CSMD1: variants seen among roughly 807,000 people sequenced by gnomAD.
The protein encoded by CSMD1 is CUB and sushi domain-containing protein 1.
Under a neutral mutation model 417.5 loss-of-function variants are expected in CSMD1, and 213 were observed. The observed-to-expected ratio is 0.51, with a 90% CI of 0.46 to 0.57. The LOEUF (loss-of-function observed/expected upper bound fraction) is 0.57. CSMD1 is among the 20% of genes least tolerant of loss of function. CSMD1 has a pLI of 0.00. For missense variants in CSMD1, 6,923 were observed against 4,529.7 expected (o/e 1.53, Z -15.17); for synonymous variants, 2,862 against 1,736.8 (o/e 1.65, Z -16.11).
At chr8:4,351,728 G>A (rs915671143) in intron 3 of CSMD1, among the ~76,000 whole-genome samples, 2 of 152,110 alleles carry the variant, frequency 1.3e-5, no homozygotes, top group Non-Finnish European at 1.5e-5. Flanking sequence ...AAAAGAAAAA[G>A]GCCTTCTAGG....
At chr8:3,227,979 G>A (rs989917189) in intron 27 of CSMD1, among the ~76,000 whole-genome samples, 2 of 152,100 alleles carry the variant, frequency 1.3e-5, no homozygotes, top group Non-Finnish European at 2.9e-5. Flanking sequence ...TGTTGCCCAG[G>A]CTGGTCTCAA....
At chr8:2,951,968 T>C (rs1449188004) in intron 65 of CSMD1, among the ~76,000 whole-genome samples, 4 of 152,198 alleles carry the variant, frequency 2.6e-5, no homozygotes, top group African/African-American at 9.7e-5. Flanking sequence ...GCAGTCTTTT[T>C]AAAGCACAGA....
At chr8:4,487,413 G>C (rs187585241) in intron 2 of CSMD1, among the ~76,000 whole-genome samples, 1 of 152,206 alleles carries the variant, frequency 6.6e-6, no homozygotes. Flanking sequence ...AGAACATGCA[G>C]TGTTTGGTTT....
chr8:4,778,251 T>C (rs1043611645), intron 1 of CSMD1, among the ~76,000 whole-genome samples: 1 of 152,152 alleles, frequency 6.6e-6, no homozygotes, highest in Non-Finnish European at 1.5e-5. Flanking sequence ...ATATCAGACA[T>C]CAGCAAACTG....
chr8:4,200,192 C>G (rs1043413431), intron 3 of CSMD1, among the ~76,000 whole-genome samples: 49 of 152,182 alleles, frequency 3.2e-4, no homozygotes, highest in African/African-American at 1.2e-3. Flanking sequence ...GGACAAAATC[C>G]AGTTAAATGT....
chr8:3,665,505 G>A (rs1323243515), intron 7 of CSMD1, among the ~76,000 whole-genome samples: 1 of 152,044 alleles, frequency 6.6e-6, no homozygotes. Flanking sequence ...CTCCAGCCTG[G>A]GCGACAGAGC....
chr8:3,188,911 T>C lies in CSMD1; in HGVS notation c.5499A>G (p.Ile1833Met), dbSNP rs373358592. The C allele has an allele frequency of 1.3e-5, 20 of 1,595,726 alleles. No homozygotes were observed. The highest frequency in any genetic ancestry group is 1.6e-5 in the Non-Finnish European group (19 of 1,170,764). Residue 1833 changes from isoleucine to methionine, a missense_variant, in exon 35 of 70, where the codon ATA (isoleucine) becomes ATG (methionine). Coordinates refer to ENST00000635120, the MANE Select transcript of CSMD1 (RefSeq NM_033225.6). ...CCTGAATTCCCGAGCCCTCCGTAAC[T>C]ATGATCTTCCATATACAGTTCAAGT... ...GNNLNCIWKI[I>M]VTEGSGIQIQ...
chr8:3,904,805 T>C (rs1036047909), intron 5 of CSMD1, among the ~76,000 whole-genome samples: 3 of 151,850 alleles, frequency 2.0e-5, no homozygotes, highest in Admixed American at 6.6e-5. Flanking sequence ...CCCAGGTAAT[T>C]TTTGTATTTT....
At chr8:3,190,370 C>T (rs568763057) in intron 33 of CSMD1, among the ~76,000 whole-genome samples, 3 of 152,194 alleles carry the variant, frequency 2.0e-5, no homozygotes, top group East Asian at 3.9e-4. Context: ...CTGTACTTCG[C>T]CCTCAGGACC....
At chr8:3,902,189 C>G (rs1807801102) in intron 5 of CSMD1, among the ~76,000 whole-genome samples, 1 of 152,152 alleles carries the variant, frequency 6.6e-6, no homozygotes, top group Admixed American at 6.5e-5. Context: ...TGGAGAATCT[C>G]ACTTCTGATA....
intron 10 of CSMD1, among the ~76,000 whole-genome samples, chr8:3,519,454 G>C (rs530358093): frequency 2.0e-5 from 3 of 152,298 alleles, no homozygotes; most frequent in African/African-American, 7.2e-5. Context: ...TTGATCATCT[G>C]AGAGGAAACA....
At chr8:4,740,434 A>G (rs778801568) in intron 1 of CSMD1, among the ~76,000 whole-genome samples, 2 of 152,192 alleles carry the variant, frequency 1.3e-5, no homozygotes, top group African/African-American at 2.4e-5. Flanking sequence ...TGTTTCTGCA[A>G]CACTGAATGC....
In CSMD1 at chr8:4,054,893, C is replaced by A. The variant is rs1405965275; in HGVS notation, c.416-22794G>T. Reference sequence around the variant, plus strand: ...GTTCTGTGACATACAAAGGCTACGTCTGCCTGTGCCCTGAGCTCTGGGGTT... The same window carrying A: ...GTTCTGTGACATACAAAGGCTACGTATGCCTGTGCCCTGAGCTCTGGGGTT... On this transcript the variant is annotated intron_variant, in intron 3 of 69. Coordinates refer to ENST00000635120, the MANE Select transcript of CSMD1 (RefSeq NM_033225.6). 3.3e-5 allele frequency among the ~76,000 whole-genome samples: 5 copies of A among 152,124 alleles called. No individual in the cohort carries two copies. The South Asian group carries it at 1.0e-3, about 31-fold the overall frequency.
intron 5 of CSMD1, among the ~76,000 whole-genome samples, chr8:3,882,385 C>G (rs1053985420): frequency 6.6e-6 from 1 of 152,132 alleles, no homozygotes; most frequent in Non-Finnish European, 1.5e-5. Flanking sequence ...GGTTAAAATA[C>G]AATTTTAAAA....
intron 3 of CSMD1, among the ~76,000 whole-genome samples, chr8:4,158,883 T>C (rs565800928): frequency 6.6e-6 from 1 of 152,320 alleles, no homozygotes; most frequent in Non-Finnish European, 1.5e-5. Context: ...AGTTTACTAC[T>C]GTTTCCAGCT....
At chr8:4,189,662 T>A (rs989451749) in intron 3 of CSMD1, among the ~76,000 whole-genome samples, 8 of 152,170 alleles carry the variant, frequency 5.3e-5, no homozygotes, top group African/African-American at 1.9e-4. Context: ...AACCCTTATT[T>A]ATCATGGAAT....
At chr8:4,864,060 T>A (rs1381309940) in intron 1 of CSMD1, among the ~76,000 whole-genome samples, 1 of 152,004 alleles carries the variant, frequency 6.6e-6, no homozygotes, top group Non-Finnish European at 1.5e-5. Context: ...CTTTTTGCCA[T>A]GTTACAAGTA....
chr8:4,159,728 A>G (rs1401383788), intron 3 of CSMD1, among the ~76,000 whole-genome samples: 6 of 152,142 alleles, frequency 3.9e-5, no homozygotes, highest in Admixed American at 2.6e-4. Context: ...AGCTGGGACT[A>G]CAGGTGCCCG....
intron 1 of CSMD1, among the ~76,000 whole-genome samples, chr8:4,699,833 G>C (rs1332467974): frequency 1.3e-5 from 2 of 152,190 alleles, no homozygotes; most frequent in East Asian, 1.9e-4. Context: ...GATGCAGAGA[G>C]TACAAGTGAG....
Sources: allele counts gnomAD v4.1 joint callset (sites outside exome capture counted in the v4.1 genomes callset), GRCh38; gene constraint gnomAD v4.1.1; transcripts MANE v1.5; gene names NCBI Gene and HGNC (gene_info 2026-07-23, HGNC 2026-07-21).